ARX: variants seen among roughly 807,000 people sequenced by gnomAD.
The protein encoded by ARX is homeobox protein ARX.
In ARX, 1 loss-of-function variant was observed where a neutral mutation model predicts 23.1. That is an observed-to-expected ratio of 0.04 (90% CI 0.02 to 0.21). ARX has a LOEUF of 0.21. Among genes scored for constraint, ARX ranks in the 10% least tolerant of loss-of-function variants. The pLI, the probability that ARX is intolerant of heterozygous loss-of-function variation, is 1.00. For synonymous variants in ARX, 301 were observed against 270.1 expected, an observed-to-expected ratio of 1.11 and a Z score of -1.12; for missense variants, 380 against 527.5, an observed-to-expected ratio of 0.72 and a Z score of 2.74.
chrX:25,010,135 C>A (rs928909006), intron 3 of ARX, 125 bp downstream of exon 3: 1 of 780,771 alleles, frequency 1.3e-6, no homozygotes, highest in African/African-American at 2.1e-5. Flanking sequence ...CTTTTCTGAT[C>A]CTGCTTCTCT....
At chrX:25,008,192 G>T (rs757248818) in intron 3 of ARX, among the ~76,000 whole-genome samples, 21 of 112,729 alleles carry the variant, frequency 1.9e-4, no homozygotes, top group African/African-American at 6.8e-4. Context: ...AATCCTCTAT[G>T]AAATGAAACA....
At chrX:25,009,372 C>T (rs1427142217) in intron 3 of ARX, among the ~76,000 whole-genome samples, 2 of 111,878 alleles carry the variant, frequency 1.8e-5, no homozygotes, top group Non-Finnish European at 3.8e-5. Context: ...GCTGAAAATA[C>T]GGAGTTGCTG....
In ARX at chrX:25,013,554, T is replaced by C. The variant is rs797045301; in HGVS notation, c.441A>G (p.Ala147=). 2.3e-4 allele frequency: 175 copies of C among 758,636 alleles called. No individual in the cohort carries two copies. The highest frequency in any genetic ancestry group is 1.0e-3 in the East Asian group (7 of 6,677). The allele number at this position is 758,636 out of a possible 1,213,427, so 62.5% of individuals were successfully genotyped here. The change falls in exon 2 of 5, where the codon GCA becomes GCG. Residue 147 remains alanine (A), a synonymous_variant. Coordinates refer to ENST00000379044, the MANE Select transcript of ARX (RefSeq NM_139058.3). ...ERPDGAGAAA[A]AAAAAAAAWD... is the part of the protein sequence containing the mutation. ...AGGCCGCGGCGGCCGCGGCCGCGGC[T>C]GCCGCGGCGGCCCCTGCGCCGTCCG... is the stretch of plus-strand genomic sequence containing the variant.
Position 25,013,324 on chromosome X carries a change from T to TCGGTGC in ARX, c.665_670dup (p.Gly222_Thr223dup), listed in dbSNP as rs876661147. ...CTCCAGCAGCTCCTCCTCGTCGTCC[T>TCGGTGC]CGGTGCCGGTGCCACCACCCGCAGC... On this transcript the variant is annotated inframe_insertion, in exon 2 of 5. Coordinates refer to ENST00000379044, the MANE Select transcript of ARX (RefSeq NM_139058.3). 6 of 1,152,051 alleles carry TCGGTGC rather than the reference T, an allele frequency of 5.2e-6. No homozygotes were observed. In the African/African-American group the frequency reaches 7.2e-5, roughly 14 times the overall value. The allele number at this position is 1,152,051 out of a possible 1,213,427, so 94.9% of individuals were successfully genotyped here. A position where few individuals can be genotyped will look rare whatever the true frequency, so the allele number is the denominator to read the frequency against.
At chrX:25,010,432 A>C (rs2147322142) in intron 2 of ARX, 127 bp from the exon 3 acceptor site, 6 of 766,699 alleles carry the variant, frequency 7.8e-6, no homozygotes, top group Non-Finnish European at 1.2e-5. Flanking sequence ...CCCACCCCCA[A>C]ACATATGGGC....
Position 25,015,927 on chromosome X carries a change from G to T in ARX, c.-190C>A. On this transcript the variant is annotated 5_prime_UTR_variant, in exon 1 of 5. Coordinates refer to ENST00000379044, the MANE Select transcript of ARX (RefSeq NM_139058.3). Reference sequence around the variant, plus strand: ...CCCGCCCTGCCCGCGGCCCGAGCTCGCCCTCTCCGCGCTCAGGACAAGCGG... The same window carrying T: ...CCCGCCCTGCCCGCGGCCCGAGCTCTCCCTCTCCGCGCTCAGGACAAGCGG... 1 of 479,596 alleles carries T rather than the reference G, an allele frequency of 2.1e-6. No individual in the cohort carries two copies. Among genetic ancestry groups the T allele is most frequent in the Non-Finnish European group, 3.6e-6 (1 of 274,435 alleles). 39.5% of individuals were successfully genotyped at this position (479,596 alleles called of 1,213,427 possible). A position where few individuals can be genotyped will look rare whatever the true frequency, so the allele number is the denominator to read the frequency against.
chrX:25,015,306 C>T (rs761310352), intron 1 of ARX, among the ~76,000 whole-genome samples: 2 of 111,403 alleles, frequency 1.8e-5, no homozygotes, highest in South Asian at 7.6e-4. Flanking sequence ...CGATCAACAC[C>T]GAAAAGCTAA....
chrX:25,005,192 A>G (rs2048672515), intron 4 of ARX, among the ~76,000 whole-genome samples: 2 of 112,688 alleles, frequency 1.8e-5, no homozygotes, highest in Admixed American at 1.8e-4. Context: ...GGAGACCTCA[A>G]GCCCCACGGC....
rs1430690214 is a variant in ARX, at chrX:25,007,197, C to T, written c.1362G>A (p.Pro454=). ...TCAGGCCCAGCGGCGCCCCGCTGGG[C>T]GGCAGGCTGGCCGAGCCCGGAGGCG... ...LPPPPGSASL[P]PSGAPLGLST... is the part of the protein sequence containing the mutation. The change falls in exon 4 of 5, where the codon CCG becomes CCA. Residue 454 remains proline (P), a synonymous_variant. Coordinates refer to ENST00000379044, the MANE Select transcript of ARX (RefSeq NM_139058.3). 4 of 1,180,421 alleles carry T rather than the reference C, an allele frequency of 3.4e-6. No homozygotes were observed. The highest frequency in any genetic ancestry group is 3.4e-6 in the Non-Finnish European group (3 of 881,291).
chrX:25,014,449 C>T (rs1032669981), intron 1 of ARX, among the ~76,000 whole-genome samples: 14 of 112,996 alleles, frequency 1.2e-4, no homozygotes, highest in Non-Finnish European at 2.6e-4. Flanking sequence ...GCGACCGCTG[C>T]GGGGCGGGGT....
Position 25,004,813 on chromosome X carries a change from C to T in ARX, c.1546G>A (p.Ala516Thr). Residue 516 changes from alanine (A) to threonine (T), a missense_variant, in exon 5 of 5, where the codon GCC becomes ACC. Coordinates refer to ENST00000379044, the MANE Select transcript of ARX (RefSeq NM_139058.3). ...GCCGCCGTGGCCGGGTCGGCCAGGG[C>T]GCCCGATGCCACTGCGCCCTCCACG... ...PAVEGAVASG[A>T]LADPATAAAD... The T allele has an allele frequency of 1.7e-6, 2 of 1,174,004 alleles. No homozygotes were observed. The highest frequency in any genetic ancestry group is 2.3e-6 in the Non-Finnish European group (2 of 877,055).
At chrX:25,014,032 CCCTT>C (rs2048715035) in intron 1 of ARX, among the ~76,000 whole-genome samples, 2 of 111,068 alleles carry the variant, frequency 1.8e-5, no homozygotes, top group African/African-American at 6.5e-5. Flanking sequence ...CCTTTCCTCT[CCCTT>C]CTTTCCGTTC....
In ARX at chrX:25,013,019, G is replaced by A. The variant is rs2147323608; in HGVS notation, c.976C>T (p.Arg326Cys). 8.3e-7 allele frequency: 1 copy of A among 1,200,288 alleles called. No homozygotes were observed. Residue 326 changes from arginine (R) to cysteine (C), a missense_variant, in exon 2 of 5, where the codon CGC (arginine) becomes TGC (cysteine). Physicochemically the swap from Arg to Cys is radical, Grantham distance 180. Coordinates refer to ENST00000379044, the MANE Select transcript of ARX (RefSeq NM_139058.3). ...GTGGTGCGGTAGCGCCTCTGTTTGC[G>A]TTTCAGCAGCCCCTCCTCCGAGTCG... ...GSDSEEGLLK[R>C]KQRRYRTTFT...
intron 3 of ARX, 106 bp downstream of exon 3, chrX:25,010,154 T>G (rs2048695788): frequency 3.3e-6 from 3 of 906,926 alleles, no homozygotes; most frequent in Non-Finnish European, 3.1e-6. Context: ...CTTGGTTTTG[T>G]GAAGGGGATC....
At chrX:25,014,158 TC>T (rs1409138751) in intron 1 of ARX, among the ~76,000 whole-genome samples, 2 of 107,668 alleles carry the variant, frequency 1.9e-5, no homozygotes, top group Non-Finnish European at 3.9e-5. Context: ...TTTCTCCCCC[TC>T]CCTTCTTTTC....
At chrX:25,005,177 G>A (rs1379136889) in intron 4 of ARX, among the ~76,000 whole-genome samples, 1 of 112,637 alleles carries the variant, frequency 8.9e-6, no homozygotes, top group African/African-American at 3.2e-5. Context: ...TCCACAGGCC[G>A]GCGTGGAGAC....
At chrX:25,015,427 G>T in intron 1 of ARX, 115 bp downstream of exon 1, 1 of 946,380 alleles carries the variant, frequency 1.1e-6, no homozygotes, top group Non-Finnish European at 1.5e-6. Context: ...TCAGAGTTAT[G>T]CCCTCTCCTT....
At chrX:25,010,670 C>T (rs183377375) in intron 2 of ARX, among the ~76,000 whole-genome samples, 10 of 111,604 alleles carry the variant, frequency 9.0e-5, no homozygotes, top group Non-Finnish European at 1.7e-4. Context: ...CTGCTTATAC[C>T]CTGTTTTGTC....
chrX:25,015,863 T>C lies in ARX; in HGVS notation c.-126A>G. The C allele has an allele frequency of 1.3e-6, 1 of 799,893 alleles. No homozygotes were observed. Among genetic ancestry groups the C allele is most frequent in the Non-Finnish European group, 1.8e-6 (1 of 548,090 alleles). The allele number at this position is 799,893 out of a possible 1,213,427, so 65.9% of individuals were successfully genotyped here. On this transcript the variant is annotated 5_prime_UTR_variant, in exon 1 of 5. Coordinates refer to ENST00000379044, the MANE Select transcript of ARX (RefSeq NM_139058.3). The stretch of plus-strand genomic sequence containing the variant: ...GTTATAACGGATATTATTGCGATCT[T>C]TGTGCCTTTCTGCCTCCCTTGGTTG...
Sources: gnomAD v4.1 joint callset for allele counts (sites outside exome capture counted in the v4.1 genomes callset) on GRCh38, gnomAD v4.1.1 for gene constraint, MANE v1.5 for transcripts, NCBI Gene and HGNC (gene_info 2026-07-23, HGNC 2026-07-21) for gene names.